MCPH1: variants seen among roughly 807,000 people sequenced by gnomAD.
MCPH1 encodes the protein microcephalin.
Under a neutral mutation model 84.5 loss-of-function variants are expected in MCPH1, and 104 were observed. That is an observed-to-expected ratio of 1.23 (90% confidence interval 1.05 to 1.45). The LOEUF (loss-of-function observed/expected upper bound fraction) is 1.45, where lower values mean the gene tolerates loss of function less well. Ranked by LOEUF, MCPH1 falls within the 40% of genes most tolerant of loss-of-function variation. The pLI, the probability that MCPH1 is intolerant of heterozygous loss-of-function variation, is 0.00. For missense variants in MCPH1, 1,498 were observed against 1,005.7 expected, an observed-to-expected ratio of 1.49 and a Z score of -6.62; for synonymous variants, 514 against 366.8, an observed-to-expected ratio of 1.40 and a Z score of -4.58.
chr8:6,444,604 T>G lies in MCPH1; in HGVS notation c.882T>G (p.Asn294Lys), dbSNP rs759252365. Residue 294 changes from asparagine (N) to lysine (K), a missense_variant, in exon 8 of 14, where the codon AAT (asparagine) becomes AAG (lysine). Transcript: ENST00000344683. The stretch of plus-strand genomic sequence containing the variant: ...CAAGTCCTCAGAAATTTCTGAGTAA[T>G]CTTTCAAAGGAAGAAATAAACTTGC... ...DKSSPQKFLS[N>K]LSKEEINLQR... The G allele has an allele frequency of 2.5e-6, 4 of 1,614,094 alleles. No homozygotes were observed. The highest frequency in any genetic ancestry group is 3.4e-6 in the Non-Finnish European group (4 of 1,180,048).
intron 12 of MCPH1, among the ~76,000 whole-genome samples, chr8:6,523,830 G>A (rs1304569872): frequency 6.6e-6 from 1 of 150,828 alleles, no homozygotes; most frequent in East Asian, 1.9e-4. Context: ...TTCCTGATTC[G>A]TCCACCTCGG....
chr8:6,597,290 A>C (rs1030291765), intron 12 of MCPH1, among the ~76,000 whole-genome samples: 1 of 152,164 alleles, frequency 6.6e-6, no homozygotes, highest in Non-Finnish European at 1.5e-5. Context: ...CCAATGGTGA[A>C]AGCAGGACAC....
intron 12 of MCPH1, among the ~76,000 whole-genome samples, chr8:6,618,314 G>C (rs188214495): frequency 6.6e-6 from 1 of 152,170 alleles, no homozygotes; most frequent in Admixed American, 6.5e-5. Context: ...GTACCAGTGT[G>C]GGGGAAATGG....
At chr8:6,587,781 G>T (rs1451493977) in intron 12 of MCPH1, among the ~76,000 whole-genome samples, 1 of 152,196 alleles carries the variant, frequency 6.6e-6, no homozygotes, top group African/African-American at 2.4e-5. Flanking sequence ...CCTGTCCAGA[G>T]AGCACAGACA....
intron 12 of MCPH1, among the ~76,000 whole-genome samples, chr8:6,584,799 C>A (rs1209473434): frequency 1.3e-5 from 2 of 152,186 alleles, no homozygotes; most frequent in Admixed American, 1.3e-4. Context: ...GAAGTCCTTG[C>A]TTGCAAACGT....
In MCPH1 at chr8:6,643,252, CTTTTTA is replaced by C. The variant is rs1375010371; in HGVS notation, c.*214_*219del. The C allele has an allele frequency of 3.3e-6, 2 of 605,974 alleles. No individual in the cohort carries two copies. Among genetic ancestry groups the C allele is most frequent in the Non-Finnish European group, 2.9e-6 (1 of 343,738 alleles). The allele number at this position is 605,974 out of a possible 1,614,324, so 37.5% of individuals were successfully genotyped here. ...TGTCTGTTTCAGAGACGCTTCGGGC[CTTTTTA>C]TTTTTATTTTATTTTTTATTTTTTG... On this transcript the variant is annotated 3_prime_UTR_variant, in exon 14 of 14. Coordinates refer to ENST00000344683, the MANE Select transcript of MCPH1 (RefSeq NM_024596.5).
chr8:6,621,642 C>A lies in MCPH1; in HGVS notation c.2403C>A (p.Ser801Arg), dbSNP rs968645187. The A allele has an allele frequency of 4.3e-6, 7 of 1,614,190 alleles. No homozygotes were observed. Among genetic ancestry groups the A allele is most frequent in the African/African-American group, 1.3e-5 (1 of 75,036 alleles). ...RQASIVIGPY[S>R]GKKKATVKYL... ...CCAGCATCGTCATCGGGCCCTACAG[C>A]GGAAAGAAGAAAGCCACAGTCAAGT... Residue 801 changes from serine (S) to arginine (R), a missense_variant, in exon 13 of 14, where the codon AGC (serine) becomes AGA (arginine). Ser to Arg is a moderately radical substitution (Grantham distance 110). Coordinates refer to ENST00000344683, the MANE Select transcript of MCPH1 (RefSeq NM_024596.5).
chr8:6,525,816 T>G (rs2129570366), intron 12 of MCPH1, among the ~76,000 whole-genome samples: 1 of 152,346 alleles, frequency 6.6e-6, no homozygotes, highest in Admixed American at 6.5e-5. Context: ...TTTCTACAGC[T>G]GATGAGAAAA....
At chr8:6,579,475 C>A (rs540973309) in intron 12 of MCPH1, among the ~76,000 whole-genome samples, 53 of 152,274 alleles carry the variant, frequency 3.5e-4, no homozygotes, top group African/African-American at 1.2e-3. Flanking sequence ...CCCTCTGGTG[C>A]AATCCTGCAT....
At chr8:6,632,765 C>G (rs565586898) in intron 13 of MCPH1, among the ~76,000 whole-genome samples, 2 of 151,804 alleles carry the variant, frequency 1.3e-5, no homozygotes, top group African/African-American at 2.4e-5. Flanking sequence ...GCCAAGAGTG[C>G]GCCATTGCAC....
rs143347763 is a variant in MCPH1, at chr8:6,553,307, G to C, written c.2214+53378G>C. On this transcript the variant is annotated intron_variant, in intron 12 of 13. Transcript: ENST00000344683. ...AAAAATCATTTACTACATATGAAAA[G>C]GAACAAGTAAAGCAACAACAACAAA... Among the ~76,000 whole-genome samples, 1,028 of 152,204 alleles carry C rather than the reference G, an allele frequency of 6.8e-3. 6 individuals carry two copies. The highest frequency in any genetic ancestry group is 0.024 in the Middle Eastern group (7 of 294).
intron 13 of MCPH1, among the ~76,000 whole-genome samples, chr8:6,627,870 C>T (rs372351363): frequency 4.6e-5 from 7 of 151,612 alleles, no homozygotes; most frequent in East Asian, 3.9e-4. Context: ...CCAGCCTGTG[C>T]GACAGAGTGA....
intron 12 of MCPH1, among the ~76,000 whole-genome samples, chr8:6,579,409 C>A (rs770322932): frequency 9.2e-5 from 14 of 152,200 alleles, no homozygotes; most frequent in Non-Finnish European, 1.8e-4. Context: ...CTCGGTCTCA[C>A]TTTTAGATAC....
At chr8:6,474,154 C>T in intron 9 of MCPH1, 1 of 751,992 alleles carries the variant, frequency 1.3e-6, no homozygotes, top group Non-Finnish European at 2.5e-6. Context: ...CACATTCTCT[C>T]ATTTGGTTAT....
rs1238243588 is a variant in MCPH1, at chr8:6,514,847, A to G, written c.2214+14918A>G. On this transcript the variant is annotated intron_variant, in intron 12 of 13. Coordinates refer to ENST00000344683, the MANE Select transcript of MCPH1 (RefSeq NM_024596.5). Reference sequence around the variant, plus strand: ...TCCCCCCTTACGTAGCAGAAGCAGGAGGAATGTAGACCCTGAGTGCAGGAC... The same window carrying G: ...TCCCCCCTTACGTAGCAGAAGCAGGGGGAATGTAGACCCTGAGTGCAGGAC... 3.0e-6 allele frequency: 4 copies of G among 1,354,660 alleles called. No individual in the cohort carries two copies. The East Asian group carries it at 9.4e-5, about 32-fold the overall frequency. The allele number at this position is 1,354,660 out of a possible 1,614,324, so 83.9% of individuals were successfully genotyped here. A position where few individuals can be genotyped will look rare whatever the true frequency, so the allele number is the denominator to read the frequency against.
In MCPH1 at chr8:6,445,350, C is replaced by T. The variant is rs763881518; in HGVS notation, c.1628C>T (p.Thr543Ile). ...CCAAAAGGACATGATGATGATTTAACTCCTTTGGAAGGAAGCCTTGAAGAA... is the reference window on the plus strand; with the variant it reads ...CCAAAAGGACATGATGATGATTTAATTCCTTTGGAAGGAAGCCTTGAAGAA... ...ALPKGHDDDL[T>I]PLEGSLEEMK... Residue 543 changes from threonine to isoleucine, a missense_variant, in exon 8 of 14, where the codon ACT (threonine) becomes ATT (isoleucine). Physicochemically the swap from Thr to Ile is moderately conservative, Grantham distance 89. Transcript: ENST00000344683. 16 of 1,614,216 alleles carry T rather than the reference C, an allele frequency of 9.9e-6. No individual in the cohort carries two copies. The highest frequency in any genetic ancestry group is 1.4e-5 in the Non-Finnish European group (16 of 1,180,042).
At chr8:6,636,477 A>G (rs997038406) in intron 13 of MCPH1, among the ~76,000 whole-genome samples, 2 of 151,994 alleles carry the variant, frequency 1.3e-5, no homozygotes, top group African/African-American at 4.8e-5. Context: ...TTCATGCACA[A>G]AATTTGTTTG....
chr8:6,604,513 T>C (rs1369364491), intron 12 of MCPH1, among the ~76,000 whole-genome samples: 1 of 152,258 alleles, frequency 6.6e-6, no homozygotes, highest in East Asian at 1.9e-4. Context: ...TTTGCTGTTG[T>C]TGTTGTTTTG....
intron 8 of MCPH1, 79 bp downstream of exon 8, chr8:6,445,626 C>G: frequency 6.6e-7 from 1 of 1,503,900 alleles, no homozygotes; most frequent in Non-Finnish European, 8.8e-7. Context: ...TTTATCACAA[C>G]TTTTTCATAA....
Sources: gnomAD v4.1 joint callset for allele counts (sites outside exome capture counted in the v4.1 genomes callset) on GRCh38, gnomAD v4.1.1 for gene constraint, MANE v1.5 for transcripts, NCBI Gene and HGNC (gene_info 2026-07-23, HGNC 2026-07-21) for gene names.